The following NLGN4X variants were observed in gnomAD, a reference collection of about 807,000 sequenced individuals.
NLGN4X encodes the protein neuroligin 4 X-linked.
In NLGN4X, 3 loss-of-function variants were observed where a neutral mutation model predicts 40.3. That is an observed-to-expected ratio of 0.07 (90% CI 0.03 to 0.19). The LOEUF (loss-of-function observed/expected upper bound fraction) is 0.19, where lower values mean the gene tolerates loss of function less well. Ranked by LOEUF, NLGN4X falls within the 10% of genes least tolerant of loss-of-function variation. The pLI, the probability that NLGN4X is intolerant of heterozygous loss-of-function variation, is 1.00. For missense variants in NLGN4X, 382 were observed against 708.3 expected (o/e 0.54, Z 5.23); for synonymous variants, 270 against 306.8 (o/e 0.88, Z 1.25).
At position 6,100,834 on chromosome X, in the gene NLGN4X, G is replaced by A. The variant is rs139456815; in HGVS notation, c.472+50161C>T. ...GTCTTGGAGTTTATATTCTGAAGAC[G>A]ATAAGCAGATAAATATATATACGAT... On this transcript the variant is annotated intron_variant, in intron 2 of 5. Coordinates refer to ENST00000381095, the MANE Select transcript of NLGN4X (RefSeq NM_181332.3). 5.3e-3 allele frequency among the ~76,000 whole-genome samples: 590 copies of A among 111,579 alleles called. 1 individual carries two copies. The highest frequency in any genetic ancestry group is 0.025 in the East Asian group (90 of 3,550).
rs778892437 is a variant in NLGN4X, at chrX:5,998,302, C to T, written c.625+30978G>A. ...GCAGGCTCCTGTAATCCCAGCTACT[C>T]GGGAGGCTGAGGCAGGAGAATCACT... On this transcript the variant is annotated intron_variant, in intron 3 of 5. Coordinates refer to ENST00000381095, the MANE Select transcript of NLGN4X (RefSeq NM_181332.3). Among the ~76,000 whole-genome samples, 50 of 107,260 alleles carry T rather than the reference C, an allele frequency of 4.7e-4. 1 individual carries two copies. The highest frequency in any genetic ancestry group is 1.8e-3 in the East Asian group (6 of 3,409). 93.1% of individuals were successfully genotyped at this position (107,260 alleles called of 115,157 possible).
chrX:6,211,658 A>G (rs1924617069), intron 1 of NLGN4X, among the ~76,000 whole-genome samples: 1 of 111,766 alleles, frequency 8.9e-6, no homozygotes, highest in Admixed American at 9.5e-5. Context: ...GTAGCTATAG[A>G]CTCTAATATT....
At chrX:6,062,793 C>A (rs2037803191) in intron 2 of NLGN4X, among the ~76,000 whole-genome samples, 1 of 111,022 alleles carries the variant, frequency 9.0e-6, no homozygotes, top group Non-Finnish European at 1.9e-5. Context: ...TGACTTTGCT[C>A]CTCCTTGCCC....
intron 1 of NLGN4X, among the ~76,000 whole-genome samples, chrX:6,172,119 G>A (rs779799017): frequency 9.0e-6 from 1 of 111,698 alleles, no homozygotes; most frequent in Admixed American, 9.5e-5. Context: ...TCTTTTCTTT[G>A]TAAATTACCC....
At chrX:6,137,249 T>A (rs1357135749) in intron 2 of NLGN4X, among the ~76,000 whole-genome samples, 4 of 111,992 alleles carry the variant, frequency 3.6e-5, no homozygotes, top group African/African-American at 1.3e-4. Flanking sequence ...CATCCTCACA[T>A]GGTGTTCTCC....
intron 2 of NLGN4X, among the ~76,000 whole-genome samples, chrX:6,137,323 C>G: frequency 8.9e-6 from 1 of 111,761 alleles, no homozygotes; most frequent in African/African-American, 3.3e-5. Context: ...GGTTTAGGAT[C>G]TTCCCTAACA....
chrX:6,201,536 T>C (rs1356884393), intron 1 of NLGN4X, among the ~76,000 whole-genome samples: 1 of 111,954 alleles, frequency 8.9e-6, no homozygotes, highest in Non-Finnish European at 1.9e-5. Flanking sequence ...GTACAAGTCA[T>C]AGACAGGATA....
At chrX:6,181,494 A>C (rs1182554452) in intron 1 of NLGN4X, among the ~76,000 whole-genome samples, 2 of 111,615 alleles carry the variant, frequency 1.8e-5, no homozygotes. Context: ...TATGAACAAA[A>C]GGAATTTATT....
intron 2 of NLGN4X, among the ~76,000 whole-genome samples, chrX:6,130,249 G>A (rs962251599): frequency 9.0e-6 from 1 of 110,937 alleles, no homozygotes; most frequent in Non-Finnish European, 1.9e-5. Flanking sequence ...ATCTTGATTG[G>A]ATTTTCCCTC....
At chrX:5,902,282 A>C (rs946950873) in intron 5 of NLGN4X, among the ~76,000 whole-genome samples, 5 of 111,339 alleles carry the variant, frequency 4.5e-5, no homozygotes, top group Non-Finnish European at 1.9e-5. Flanking sequence ...CCAGCTATTC[A>C]GAAGGCTGAT....
intron 3 of NLGN4X, among the ~76,000 whole-genome samples, chrX:5,915,132 T>C (rs984959704): frequency 4.4e-5 from 5 of 112,553 alleles, no homozygotes; most frequent in African/African-American, 1.6e-4. Context: ...ATTTGTATCA[T>C]GTTATCACAG....
At chrX:5,960,385 A>G (rs150403060) in intron 3 of NLGN4X, among the ~76,000 whole-genome samples, 1,789 of 111,063 alleles carry the variant, frequency 0.016, 36 homozygotes, top group African/African-American at 0.056. Flanking sequence ...GAACACACTG[A>G]TGGGGAAATT....
At chrX:6,002,183 C>T (rs11797804) in intron 3 of NLGN4X, among the ~76,000 whole-genome samples, 31,018 of 110,832 alleles carry the variant, frequency 0.28, 3,928 homozygotes, top group African/African-American at 0.49. Context: ...AACTCCTTGT[C>T]CCTGAAAACA....
intron 3 of NLGN4X, among the ~76,000 whole-genome samples, chrX:5,926,370 G>C (rs761660169): frequency 8.1e-5 from 9 of 110,471 alleles, no homozygotes; most frequent in African/African-American, 3.0e-4. Context: ...ACTTAATTTG[G>C]AGTTTCACAA....
intron 1 of NLGN4X, among the ~76,000 whole-genome samples, chrX:6,194,572 G>A (rs1922878717): frequency 9.0e-6 from 1 of 111,628 alleles, no homozygotes; most frequent in African/African-American, 3.3e-5. Context: ...ATACAAAGTA[G>A]ATAAGGCCTT....
At chrX:6,004,020 G>T (rs2036041940) in intron 3 of NLGN4X, among the ~76,000 whole-genome samples, 1 of 112,696 alleles carries the variant, frequency 8.9e-6, no homozygotes, top group Admixed American at 9.3e-5. Flanking sequence ...CCTGGAAGCA[G>T]CCGGCTAGTT....
chrX:6,172,115 C>G (rs1353283950), intron 1 of NLGN4X, among the ~76,000 whole-genome samples: 1 of 111,954 alleles, frequency 8.9e-6, no homozygotes, highest in Non-Finnish European at 1.9e-5. Flanking sequence ...AACCTCTTTT[C>G]TTTGTAAATT....
At chrX:6,136,390 A>G (rs193197180) in intron 2 of NLGN4X, among the ~76,000 whole-genome samples, 185 of 112,217 alleles carry the variant, frequency 1.6e-3, no homozygotes, top group Admixed American at 5.3e-3. Context: ...GAAGTCTCTC[A>G]CTGATGAAGG....
intron 2 of NLGN4X, among the ~76,000 whole-genome samples, chrX:6,093,770 T>G (rs1008612831): frequency 8.9e-6 from 1 of 111,807 alleles, no homozygotes; most frequent in Non-Finnish European, 1.9e-5. Context: ...CTACTAATAT[T>G]GGATATCTAT....
Sources: gnomAD v4.1 joint callset for allele counts (sites outside exome capture counted in the v4.1 genomes callset) on GRCh38, gnomAD v4.1.1 for gene constraint, MANE v1.5 for transcripts, NCBI Gene and HGNC (gene_info 2026-07-23, HGNC 2026-07-21) for gene names.